The following CENPW variants were observed in gnomAD, a reference collection of about 807,000 sequenced individuals.
The protein encoded by CENPW is centromere protein W.
A neutral mutation model predicts 11.1 loss-of-function variants in CENPW; 3 were observed. The ratio of observed to expected loss-of-function variants is 0.27; its 90% CI spans 0.12 to 0.70. The LOEUF is 0.70. CENPW is among the 30% of genes least tolerant of loss of function. The pLI is 0.77. For synonymous variants in CENPW, 38 were observed against 42.0 expected (o/e 0.91, Z 0.37); for missense variants, 100 against 105.6 (o/e 0.95, Z 0.23).
chr6:126,432,066 C>CAAAA, the CENPW span, among the ~76,000 whole-genome samples: 14 of 36,408 alleles, frequency 3.8e-4, no homozygotes, highest in African/African-American at 5.5e-4. Flanking sequence ...CTCCATCTCA[C>CAAAA]AAAAAAAAAA....
the CENPW span, among the ~76,000 whole-genome samples, chr6:126,458,047 A>T: frequency 6.6e-6 from 1 of 151,246 alleles, no homozygotes; most frequent in Non-Finnish European, 1.5e-5. Context: ...CTATATTATC[A>T]TCTCACTGTC....
chr6:126,451,214 A>G, the CENPW span, among the ~76,000 whole-genome samples: 1 of 151,188 alleles, frequency 6.6e-6, no homozygotes, highest in African/African-American at 2.4e-5. Flanking sequence ...AGAATAGAGT[A>G]GGCACACCCT....
At chr6:126,459,916 T>C in the CENPW span, among the ~76,000 whole-genome samples, 1 of 151,514 alleles carries the variant, frequency 6.6e-6, no homozygotes, top group African/African-American at 2.4e-5. Context: ...ATGTTTTTTC[T>C]TCCTTTTTTT....
intron 1 of CENPW, among the ~76,000 whole-genome samples, chr6:126,340,826 G>T (rs924611493): frequency 1.3e-5 from 2 of 152,136 alleles, no homozygotes; most frequent in Non-Finnish European, 2.9e-5. Context: ...TTGCTCACAT[G>T]CCTTTTAAGG....
the CENPW span, among the ~76,000 whole-genome samples, chr6:126,389,004 T>C: frequency 6.6e-6 from 1 of 151,910 alleles, no homozygotes; most frequent in South Asian, 2.1e-4. Context: ...GGATAAGTAG[T>C]CAATGAAAAA....
At chr6:126,389,840 T>C in the CENPW span, among the ~76,000 whole-genome samples, 3 of 151,894 alleles carry the variant, frequency 2.0e-5, no homozygotes, top group African/African-American at 4.8e-5. Context: ...CAAGGTTTCA[T>C]AGTTAGTGGA....
the CENPW span, among the ~76,000 whole-genome samples, chr6:126,404,932 T>C: frequency 1.3e-5 from 2 of 151,572 alleles, no homozygotes; most frequent in African/African-American, 4.8e-5. Flanking sequence ...ACTTTGCCAA[T>C]ATTTCCTCTT....
the CENPW span, among the ~76,000 whole-genome samples, chr6:126,411,632 A>T: frequency 6.6e-6 from 1 of 152,026 alleles, no homozygotes; most frequent in Non-Finnish European, 1.5e-5. Flanking sequence ...AGGCCCGTTG[A>T]CCAGGTTGTA....
At chr6:126,363,095 A>G in the CENPW span, among the ~76,000 whole-genome samples, 3 of 152,232 alleles carry the variant, frequency 2.0e-5, no homozygotes, top group Admixed American at 6.5e-5. Flanking sequence ...ATGAACAACA[A>G]CACTACCTAG....
At chr6:126,349,631 A>T (rs532212517), downstream of CENPW, among the ~76,000 whole-genome samples, 12 of 152,212 alleles carry the variant, frequency 7.9e-5, no homozygotes, top group East Asian at 2.3e-3. Context: ...ACATGTATCA[A>T]TAGTTTGTTC....
At chr6:126,482,876 G>C in the CENPW span, among the ~76,000 whole-genome samples, 17 of 151,822 alleles carry the variant, frequency 1.1e-4, no homozygotes, top group African/African-American at 4.1e-4. Flanking sequence ...CTGTCAATTT[G>C]CACAAAATAA....
chr6:126,376,013 T>C, the CENPW span, among the ~76,000 whole-genome samples: 1 of 152,180 alleles, frequency 6.6e-6, no homozygotes, highest in African/African-American at 2.4e-5. Context: ...AGTCTCATAA[T>C]GTAGTTGCTC....
At chr6:126,468,794 T>C in the CENPW span, among the ~76,000 whole-genome samples, 6 of 152,170 alleles carry the variant, frequency 3.9e-5, 1 homozygote, top group African/African-American at 1.4e-4. Context: ...AAATTGTTGC[T>C]AAAAATGTGG....
the CENPW span, among the ~76,000 whole-genome samples, chr6:126,406,790 T>A: frequency 6.6e-6 from 1 of 151,756 alleles, no homozygotes; most frequent in Admixed American, 6.6e-5. Context: ...AGGCGGAGGT[T>A]GCAGTGAGCC....
chr6:126,412,701 C>T, the CENPW span, among the ~76,000 whole-genome samples: 1 of 152,280 alleles, frequency 6.6e-6, no homozygotes, highest in Middle Eastern at 3.4e-3. Context: ...GCACTGCCTA[C>T]ATTATGTCCC....
At chr6:126,350,265 T>C (rs564882391), downstream of CENPW, among the ~76,000 whole-genome samples, 1 of 152,276 alleles carries the variant, frequency 6.6e-6, no homozygotes, top group South Asian at 2.1e-4. Flanking sequence ...TGAAATACCA[T>C]GCACTGGATA....
At chr6:126,382,526 A>G in the CENPW span, among the ~76,000 whole-genome samples, 6 of 152,248 alleles carry the variant, frequency 3.9e-5, no homozygotes, top group African/African-American at 1.4e-4. Flanking sequence ...TTGAAACCCA[A>G]TCTAAGGGAG....
intron 1 of CENPW, among the ~76,000 whole-genome samples, chr6:126,343,195 T>C (rs1410127790): frequency 1.3e-5 from 2 of 152,256 alleles, no homozygotes; most frequent in East Asian, 1.9e-4. Flanking sequence ...AACTTATTGA[T>C]GGAATAGCTT....
At chr6:126,428,062 A>G in the CENPW span, among the ~76,000 whole-genome samples, 1 of 152,248 alleles carries the variant, frequency 6.6e-6, no homozygotes, top group Non-Finnish European at 1.5e-5. Flanking sequence ...CCGAAAGAAA[A>G]GCTTACCTTT....
Sources: allele counts gnomAD v4.1 joint callset (sites outside exome capture counted in the v4.1 genomes callset), GRCh38; gene constraint gnomAD v4.1.1; transcripts MANE v1.5; gene names NCBI Gene and HGNC (gene_info 2026-07-23, HGNC 2026-07-21).